Variants in NELL1 observed in about 807,000 individuals in gnomAD.
NELL1 encodes the protein protein kinase C-binding protein NELL1.
A neutral mutation model predicts 107.4 loss-of-function variants in NELL1; 76 were observed. The ratio of observed to expected loss-of-function variants is 0.71; its 90% CI spans 0.59 to 0.86. The LOEUF is 0.86. Among genes scored for constraint, NELL1 ranks in the 40% least tolerant of loss-of-function variants. The pLI is 0.00. For missense variants in NELL1, 1,024 were observed against 1,005.5 expected (o/e 1.02, Z -0.25); for synonymous variants, 353 against 341.2 (o/e 1.03, Z -0.38).
chr11:21,376,851 C>T (rs1025193355), intron 15 of NELL1, among the ~76,000 whole-genome samples: 4 of 151,876 alleles, frequency 2.6e-5, no homozygotes. Flanking sequence ...TCAGTTTGAA[C>T]GTTATTGGTG....
chr11:21,036,122 A>G (rs552642942), intron 12 of NELL1, among the ~76,000 whole-genome samples: 109 of 152,328 alleles, frequency 7.2e-4, no homozygotes, highest in African/African-American at 2.5e-3. Context: ...TCAGGAATGC[A>G]GTCTTATTCA....
At chr11:21,428,249 T>G (rs1247218634) in intron 15 of NELL1, among the ~76,000 whole-genome samples, 1 of 152,166 alleles carries the variant, frequency 6.6e-6, no homozygotes, top group Non-Finnish European at 1.5e-5. Flanking sequence ...GGCTAACATC[T>G]GATGGCCTCC....
At chr11:21,507,946 A>G (rs1009944108) in intron 15 of NELL1, among the ~76,000 whole-genome samples, 2 of 151,772 alleles carry the variant, frequency 1.3e-5, no homozygotes, top group Non-Finnish European at 2.9e-5. Flanking sequence ...ACGCCTGGCT[A>G]ATTTTTGTAT....
chr11:21,101,671 C>G (rs1854819421), intron 12 of NELL1, among the ~76,000 whole-genome samples: 1 of 152,114 alleles, frequency 6.6e-6, no homozygotes, highest in African/African-American at 2.4e-5. Flanking sequence ...CCTTCGCCCA[C>G]TTTTTGATGG....
intron 13 of NELL1, among the ~76,000 whole-genome samples, chr11:21,209,331 T>TTA (rs10588528): frequency 0.017 from 2,494 of 145,166 alleles, 65 homozygotes; most frequent in African/African-American, 0.058. Flanking sequence ...TATGTATATA[T>TTA]TATATATATA....
chr11:21,094,283 C>T (rs902021196), intron 12 of NELL1, among the ~76,000 whole-genome samples: 5 of 152,190 alleles, frequency 3.3e-5, no homozygotes, highest in African/African-American at 1.2e-4. Flanking sequence ...GGTGGGTTCC[C>T]ATGGTTTTGG....
At chr11:21,352,058 T>C (rs1029142999) in intron 14 of NELL1, among the ~76,000 whole-genome samples, 11 of 152,292 alleles carry the variant, frequency 7.2e-5, no homozygotes, top group South Asian at 2.1e-4. Context: ...GAAGCCTTTA[T>C]GCTAAGCTAT....
At chr11:21,441,332 TGTGTGTGTGTGTGTGTG>T (rs1853279105) in intron 15 of NELL1, among the ~76,000 whole-genome samples, 198 of 104,196 alleles carry the variant, frequency 1.9e-3, no homozygotes, top group African/African-American at 5.0e-3. Context: ...GGCTGTGACG[TGTGTGTGTGTGTGTGTG>T]TGTGTGTGTG....
In NELL1 at chr11:21,236,619, T is replaced by C. The variant is rs575857954; in HGVS notation, c.1549+7165T>C. ...GTCCTATAGACACTAAATATAGTTA[T>C]ACCAGAAATGATAAAATCCTTTGGC... On this transcript the variant is annotated intron_variant, in intron 14 of 19. Coordinates refer to ENST00000357134, the MANE Select transcript of NELL1 (RefSeq NM_006157.5). Among the ~76,000 whole-genome samples, 3 of 152,312 alleles carry C rather than the reference T, an allele frequency of 2.0e-5. No homozygotes were observed. The East Asian group carries it at 5.8e-4, about 29-fold the overall frequency.
At chr11:20,917,733 T>C (rs1307449514) in intron 5 of NELL1, among the ~76,000 whole-genome samples, 1 of 151,978 alleles carries the variant, frequency 6.6e-6, no homozygotes, top group Non-Finnish European at 1.5e-5. Context: ...GAGCAAGGAT[T>C]GTTATGGAAT....
At position 21,285,735 on chromosome 11, in the gene NELL1, T is replaced by A. The variant is rs190080703; in HGVS notation, c.1549+56281T>A. The stretch of plus-strand genomic sequence containing the variant: ...CGATTGTAAACTCTTTGGTCAGTGT[T>A]TCACAGTCTTTTACGGTTTACTTTC... On this transcript the variant is annotated intron_variant, in intron 14 of 19. Transcript: ENST00000357134. Among the ~76,000 whole-genome samples the A allele has an allele frequency of 7.2e-4, 109 of 152,332 alleles. No homozygotes were observed. In the East Asian group the frequency reaches 0.011, roughly 16 times the overall value.
At chr11:20,971,948 T>C (rs986953470) in intron 12 of NELL1, among the ~76,000 whole-genome samples, 1 of 150,780 alleles carries the variant, frequency 6.6e-6, no homozygotes, top group Non-Finnish European at 1.5e-5. Context: ...CACCGCATGT[T>C]CTCACTCATA....
At chr11:21,346,672 TTAAA>T (rs1475106028) in intron 14 of NELL1, among the ~76,000 whole-genome samples, 15 of 148,248 alleles carry the variant, frequency 1.0e-4, no homozygotes, top group South Asian at 2.1e-4. Flanking sequence ...TAATATCAAA[TTAAA>T]TATATAATAT....
chr11:20,892,938 A>G (rs1354148559), intron 5 of NELL1, among the ~76,000 whole-genome samples: 10 of 152,160 alleles, frequency 6.6e-5, no homozygotes, highest in Admixed American at 6.5e-4. Flanking sequence ...CAAAAAAAAA[A>G]AAAAAAAAAC....
At chr11:20,938,517 T>C (rs564620697) in intron 10 of NELL1, among the ~76,000 whole-genome samples, 82 of 152,226 alleles carry the variant, frequency 5.4e-4, no homozygotes, top group African/African-American at 1.9e-3. Context: ...GCTGAAGGAA[T>C]AGAGAGGTCT....
chr11:21,323,709 CT>C (rs1204116259), intron 14 of NELL1, among the ~76,000 whole-genome samples: 1 of 152,088 alleles, frequency 6.6e-6, no homozygotes, highest in Non-Finnish European at 1.5e-5. Flanking sequence ...TCATGTTACC[CT>C]CTTTTATTTT....
At chr11:20,673,223 A>G (rs539882146) in intron 1 of NELL1, among the ~76,000 whole-genome samples, 6 of 151,970 alleles carry the variant, frequency 3.9e-5, no homozygotes, top group Non-Finnish European at 8.8e-5. Flanking sequence ...GAATAATGGA[A>G]CTGTGAACAT....
chr11:20,928,271 TTC>T lies in NELL1; in HGVS notation c.895-104_895-103del. 3 of 1,025,826 alleles carry T rather than the reference TTC, an allele frequency of 2.9e-6. No individual in the cohort carries two copies. In the South Asian group the frequency reaches 3.9e-5, roughly 13 times the overall value. 63.5% of individuals were successfully genotyped at this position (1,025,826 alleles called of 1,614,324 possible). A position where few individuals can be genotyped will look rare whatever the true frequency, so the allele number is the denominator to read the frequency against. On this transcript the variant is annotated intron_variant, in intron 8 of 19. Coordinates refer to ENST00000357134, the MANE Select transcript of NELL1 (RefSeq NM_006157.5). Reference sequence around the variant, plus strand: ...AGTGGACTGGGAATTCGAATACTGCTTCTGTTTCCCTGATGAGGTTTCTGGGA... The same window carrying T: ...AGTGGACTGGGAATTCGAATACTGCTTGTTTCCCTGATGAGGTTTCTGGGA...
In NELL1 at chr11:21,422,147, G is replaced by A. The variant is rs577965288; in HGVS notation, c.1645+51199G>A. Among the ~76,000 whole-genome samples, 14 of 151,320 alleles carry A rather than the reference G, an allele frequency of 9.3e-5. No individual in the cohort carries two copies. The South Asian group carries it at 2.3e-3, about 25-fold the overall frequency. ...TGTACACACGCACGTGTATGTACACGTGCAAGAGAGAGAGAAGAAGAGAGA... is the reference window on the plus strand; with the variant it reads ...TGTACACACGCACGTGTATGTACACATGCAAGAGAGAGAGAAGAAGAGAGA... On this transcript the variant is annotated intron_variant, in intron 15 of 19. Transcript: ENST00000357134.
Sources: allele counts gnomAD v4.1 joint callset (sites outside exome capture counted in the v4.1 genomes callset), GRCh38; gene constraint gnomAD v4.1.1; transcripts MANE v1.5; gene names NCBI Gene and HGNC (gene_info 2026-07-23, HGNC 2026-07-21).